The following FMN1 variants were observed in gnomAD, a reference collection of about 807,000 sequenced individuals.
The protein encoded by FMN1 is formin-1.
A neutral mutation model predicts 132.4 loss-of-function variants in FMN1; 110 were observed. The ratio of observed to expected loss-of-function variants is 0.83; its 90% CI spans 0.71 to 0.97. The LOEUF is 0.97. Ranked by LOEUF, FMN1 falls within the 50% of genes least tolerant of loss-of-function variation. The pLI is 0.00. For synonymous variants in FMN1, 722 were observed against 651.7 expected (o/e 1.11, Z -1.64); for missense variants, 1,792 against 1,705.3 (o/e 1.05, Z -0.90).
At chr15:33,108,115 A>C (rs1439366941) in intron 4 of FMN1, among the ~76,000 whole-genome samples, 2 of 152,128 alleles carry the variant, frequency 1.3e-5, no homozygotes, top group Non-Finnish European at 1.5e-5. Context: ...TCCCTGGCAC[A>C]GGATGGATGG....
intron 5 of FMN1, among the ~76,000 whole-genome samples, chr15:33,083,387 G>A (rs773923325): frequency 1.3e-5 from 2 of 152,166 alleles, no homozygotes; most frequent in Non-Finnish European, 2.9e-5. Context: ...TTAATGAGGT[G>A]ACTTTTAGAG....
chr15:32,797,877 G>A (rs2057341520), intron 19 of FMN1, among the ~76,000 whole-genome samples: 1 of 152,074 alleles, frequency 6.6e-6, no homozygotes, highest in Non-Finnish European at 1.5e-5. Flanking sequence ...TCTTTTCTTT[G>A]ATTACAAAGT....
chr15:33,045,425 T>C (rs751341558), intron 6 of FMN1, among the ~76,000 whole-genome samples: 4 of 152,252 alleles, frequency 2.6e-5, no homozygotes, highest in Non-Finnish European at 4.4e-5. Flanking sequence ...CAGAGGTTTC[T>C]GGCTGTTAAG....
At position 33,153,337 on chromosome 15, in the gene FMN1, T is replaced by C; in HGVS notation, c.1578A>G (p.Pro526=). Residue 526 remains proline, a synonymous_variant, in exon 4 of 21, where the codon CCA becomes CCG. Coordinates refer to ENST00000616417, the MANE Select transcript of FMN1 (RefSeq NM_001277313.2). ...QTSPVPSPLS[P]RLPSPQQHHR... ...GATGCTGCTGAGGGCTGGGGAGCCT[T>C]GGAGACAGAGGCGAGGGAACAGGTG... 3.9e-6 allele frequency: 6 copies of C among 1,536,320 alleles called. No homozygotes were observed. Among genetic ancestry groups the C allele is most frequent in the Non-Finnish European group, 5.2e-6 (6 of 1,146,922 alleles).
At chr15:33,106,084 A>C (rs2140100362) in intron 4 of FMN1, 1 of 152,200 alleles carries the variant, frequency 6.6e-6, no homozygotes, top group East Asian at 1.9e-4. Flanking sequence ...GCCATGTCTC[A>C]ACCTGATCTG....
intron 19 of FMN1, among the ~76,000 whole-genome samples, chr15:32,782,095 T>G (rs1344868082): frequency 1.3e-5 from 2 of 152,226 alleles, no homozygotes; most frequent in Non-Finnish European, 2.9e-5. Context: ...TTTTCTTAAA[T>G]GACAAAGCAC....
At chr15:32,928,913 G>C (rs1045392296) in intron 9 of FMN1, among the ~76,000 whole-genome samples, 1 of 152,182 alleles carries the variant, frequency 6.6e-6, no homozygotes, top group Non-Finnish European at 1.5e-5. Flanking sequence ...GAGAAATCAC[G>C]AGAGAGTAAA....
At chr15:33,005,207 A>T (rs1487902367) in intron 7 of FMN1, among the ~76,000 whole-genome samples, 1 of 152,094 alleles carries the variant, frequency 6.6e-6, no homozygotes, top group Non-Finnish European at 1.5e-5. Context: ...TTAAAAAAAA[A>T]AAACTACAGC....
chr15:32,902,526 T>A (rs950803817), intron 12 of FMN1, among the ~76,000 whole-genome samples: 1 of 152,244 alleles, frequency 6.6e-6, no homozygotes, highest in Non-Finnish European at 1.5e-5. Context: ...TTGCTACTAT[T>A]TTTGCTCAGT....
chr15:33,057,376 CTT>C (rs2037266122), intron 6 of FMN1, among the ~76,000 whole-genome samples: 2 of 152,066 alleles, frequency 1.3e-5, no homozygotes, highest in African/African-American at 4.8e-5. Flanking sequence ...CTCTTGTGTA[CTT>C]TTCTCTATTT....
At chr15:33,048,644 A>AACCAAAAAAAAAACAAAAACAAAAAC (rs1555388955) in intron 6 of FMN1, among the ~76,000 whole-genome samples, 2 of 86,912 alleles carry the variant, frequency 2.3e-5, no homozygotes, top group African/African-American at 8.2e-5. Context: ...AAAAAAAAAA[A>AACCAAAAAAAAAACAAAAACAAAAAC]AAAAACCAAC....
intron 17 of FMN1, among the ~76,000 whole-genome samples, chr15:32,843,710 T>C (rs910944895): frequency 6.6e-6 from 1 of 152,170 alleles, no homozygotes; most frequent in Non-Finnish European, 1.5e-5. Context: ...AATGAATAAT[T>C]TGAATGTCAA....
intron 7 of FMN1, among the ~76,000 whole-genome samples, chr15:32,971,691 G>A (rs537375011): frequency 1.3e-5 from 2 of 152,300 alleles, no homozygotes; most frequent in South Asian, 2.1e-4. Context: ...TCAAGAAGCA[G>A]TAATTTTACT....
At chr15:32,885,600 T>C (rs2059878701) in intron 16 of FMN1, among the ~76,000 whole-genome samples, 1 of 152,188 alleles carries the variant, frequency 6.6e-6, no homozygotes, top group African/African-American at 2.4e-5. Flanking sequence ...GTGATATAGA[T>C]AAAGCACTTG....
At chr15:32,887,621 G>A (rs889044024) in intron 16 of FMN1, among the ~76,000 whole-genome samples, 1 of 152,148 alleles carries the variant, frequency 6.6e-6, no homozygotes, top group Non-Finnish European at 1.5e-5. Flanking sequence ...GTATGTGTAC[G>A]ATATGTATGA....
At chr15:32,919,183 T>C (rs576021014) in intron 10 of FMN1, among the ~76,000 whole-genome samples, 1 of 152,318 alleles carries the variant, frequency 6.6e-6, no homozygotes, top group African/African-American at 2.4e-5. Context: ...TGAAGTTTTC[T>C]TATTCTAAAA....
At chr15:32,835,292 A>G (rs1200108271) in intron 17 of FMN1, among the ~76,000 whole-genome samples, 1 of 152,192 alleles carries the variant, frequency 6.6e-6, no homozygotes, top group Non-Finnish European at 1.5e-5. Flanking sequence ...GGCATCTCTT[A>G]TTTTATTATT....
intron 18 of FMN1, among the ~76,000 whole-genome samples, chr15:32,800,492 C>T (rs142254505): frequency 2.9e-4 from 44 of 152,296 alleles, no homozygotes; most frequent in African/African-American, 1.0e-3. Context: ...CACTCTATAG[C>T]ATGTAACTTT....
intron 13 of FMN1, 130 bp downstream of exon 13, chr15:32,901,780 CA>C: frequency 3.1e-6 from 2 of 650,016 alleles, no homozygotes; most frequent in Non-Finnish European, 4.7e-6. Context: ...AGATAATCAT[CA>C]AATTTACACT....
Sources: allele counts gnomAD v4.1 joint callset (sites outside exome capture counted in the v4.1 genomes callset), GRCh38; gene constraint gnomAD v4.1.1; transcripts MANE v1.5; gene names NCBI Gene and HGNC (gene_info 2026-07-23, HGNC 2026-07-21).